The following PAPOLA variants were observed in gnomAD, a reference collection of about 807,000 sequenced individuals.
PAPOLA encodes the protein poly(A) polymerase alpha, also known as polynucleotide adenylyltransferase alpha.
In PAPOLA, 15 loss-of-function variants were observed where a neutral mutation model predicts 100.6. The observed-to-expected ratio is 0.15, with a 90% CI of 0.10 to 0.23. The LOEUF is 0.23. Ranked by LOEUF, PAPOLA falls within the 10% of genes least tolerant of loss-of-function variation. The pLI is 1.00. For missense variants in PAPOLA, 533 were observed against 884.2 expected (o/e 0.60, Z 5.04); for synonymous variants, 293 against 300.0 (o/e 0.98, Z 0.24).
At chr14:96,517,288 G>A (rs1295393894) in intron 1 of PAPOLA, among the ~76,000 whole-genome samples, 1 of 152,156 alleles carries the variant, frequency 6.6e-6, no homozygotes, top group Non-Finnish European at 1.5e-5. Context: ...AACTCATGAA[G>A]CAATGAATAA....
At chr14:96,558,977 T>C (rs1002318332) in intron 19 of PAPOLA, among the ~76,000 whole-genome samples, 3 of 151,914 alleles carry the variant, frequency 2.0e-5, no homozygotes, top group African/African-American at 2.4e-5. Flanking sequence ...CTTTAAAATA[T>C]AGATTCCCTC....
Position 96,562,766 on chromosome 14 carries a change from TTTA to T in PAPOLA, c.2068-50_2068-48del, listed in dbSNP as rs1901962136. The T allele has an allele frequency of 6.3e-6, 7 of 1,107,598 alleles. No individual in the cohort carries two copies. In the Admixed American group the frequency reaches 1.3e-4, roughly 21 times the overall value. 68.6% of individuals were successfully genotyped at this position (1,107,598 alleles called of 1,614,324 possible). On this transcript the variant is annotated intron_variant, in intron 20 of 21. Transcript: ENST00000216277. ...TAGCCACCAAACCCAGTTATGTTCT[TTTA>T]TTCTTTTTTAAGTCTCTTTTCCCCC... is the stretch of plus-strand genomic sequence containing the variant.
chr14:96,542,568 T>G, intron 13 of PAPOLA: 1 of 560,590 alleles, frequency 1.8e-6, no homozygotes, highest in Non-Finnish European at 3.1e-6. Context: ...AATTTTTGTG[T>G]GGATAACTTT....
At chr14:96,503,979 A>G (rs879668777) in intron 1 of PAPOLA, among the ~76,000 whole-genome samples, 4 of 152,202 alleles carry the variant, frequency 2.6e-5, no homozygotes, top group Admixed American at 2.6e-4. Context: ...AACGTTTGTT[A>G]GACTTAACTA....
intron 1 of PAPOLA, among the ~76,000 whole-genome samples, chr14:96,519,506 C>T (rs1897764957): frequency 6.6e-6 from 1 of 152,102 alleles, no homozygotes; most frequent in Non-Finnish European, 1.5e-5. Flanking sequence ...TTTAGACTAG[C>T]ATCATTATCG....
intron 1 of PAPOLA, among the ~76,000 whole-genome samples, chr14:96,506,806 A>G (rs1475503822): frequency 6.6e-6 from 1 of 152,240 alleles, no homozygotes; most frequent in African/African-American, 2.4e-5. Context: ...ATTCAAGGGT[A>G]CATTCAGAGT....
chr14:96,514,725 G>C (rs574742407), intron 1 of PAPOLA, among the ~76,000 whole-genome samples: 11 of 152,270 alleles, frequency 7.2e-5, no homozygotes, highest in African/African-American at 2.4e-4. Flanking sequence ...AAAAACTTTC[G>C]TATTTGGAAA....
Position 96,525,356 on chromosome 14 carries a change from C to T in PAPOLA, c.296C>T (p.Thr99Ile). 6.6e-7 allele frequency: 1 copy of T among 1,517,104 alleles called. No homozygotes were observed. The highest frequency in any genetic ancestry group is 9.1e-7 in the Non-Finnish European group (1 of 1,103,706). 94.0% of individuals were successfully genotyped at this position (1,517,104 alleles called of 1,614,324 possible). Residue 99 changes from threonine to isoleucine, a missense_variant, in exon 4 of 22, where the codon ACA becomes ATA. Physicochemically the swap from Thr to Ile is moderately conservative, Grantham distance 89. Coordinates refer to ENST00000216277, the MANE Select transcript of PAPOLA (RefSeq NM_032632.5). ...VIENVGGKIFTFGSYRLGVHT... is the reference protein window; with the variant it reads ...VIENVGGKIFIFGSYRLGVHT... The stretch of plus-strand genomic sequence containing the variant: ...GAAAATGTTGGAGGAAAAATTTTTA[C>T]ATTTGGATCTTACAGATTAGGAGTG...
chr14:96,563,670 G>A (rs929508041), intron 21 of PAPOLA, among the ~76,000 whole-genome samples: 2 of 152,090 alleles, frequency 1.3e-5, no homozygotes, highest in Non-Finnish European at 2.9e-5. Flanking sequence ...TTATTTTAAC[G>A]TGATCATTTA....
chr14:96,522,346 T>C (rs763071037), intron 3 of PAPOLA, among the ~76,000 whole-genome samples: 2 of 151,950 alleles, frequency 1.3e-5, no homozygotes, highest in Non-Finnish European at 2.9e-5. Flanking sequence ...CTCAAACTTT[T>C]GGTCTCAAGT....
chr14:96,539,804 T>TG (rs375287906), intron 12 of PAPOLA, among the ~76,000 whole-genome samples: 2 of 152,190 alleles, frequency 1.3e-5, no homozygotes, highest in African/African-American at 4.8e-5. Flanking sequence ...GTACCAATCC[T>TG]GGTTTTAAAA....
intron 1 of PAPOLA, among the ~76,000 whole-genome samples, chr14:96,510,002 G>C (rs78505090): frequency 8.5e-6 from 1 of 117,468 alleles, no homozygotes; most frequent in Non-Finnish European, 1.7e-5. Context: ...TGGATTGTAT[G>C]TAGGCCTGCT....
At chr14:96,556,098 T>G in intron 18 of PAPOLA, 77 bp from the exon 19 acceptor site, 1 of 1,310,396 alleles carries the variant, frequency 7.6e-7, no homozygotes, top group Non-Finnish European at 1.1e-6. Context: ...GAAATCAAAT[T>G]CAGAGAAACA....
intron 4 of PAPOLA, chr14:96,526,895 T>C (rs775356475): frequency 3.3e-5 from 5 of 152,448 alleles, no homozygotes; most frequent in Non-Finnish European, 7.3e-5. Context: ...TGATTTTAAT[T>C]CTCCTTTTTA....
rs192749774 is a variant in PAPOLA, at chr14:96,536,657, A to C, written c.1031-319A>C. ...AAACAACAGGGAAACTTGGTTTTAG[A>C]AAGGCAAGAAACAAAGTATATTGGA... On this transcript the variant is annotated intron_variant, in intron 11 of 21. Transcript: ENST00000216277. 2.3e-3 allele frequency among the ~76,000 whole-genome samples: 343 copies of C among 152,168 alleles called. 2 individuals carry two copies. Among genetic ancestry groups the C allele is most frequent in the African/African-American group, 7.9e-3 (327 of 41,560 alleles).
At chr14:96,521,537 C>G (rs377274928) in intron 3 of PAPOLA, among the ~76,000 whole-genome samples, 2 of 151,936 alleles carry the variant, frequency 1.3e-5, no homozygotes, top group Non-Finnish European at 2.9e-5. Flanking sequence ...GTCATTCAGG[C>G]GGAGTGTAGT....
rs143166667 is a variant in PAPOLA at position 96,520,717 on chromosome 14, T to A, written c.183-289T>A. On this transcript the variant is annotated intron_variant, in intron 2 of 21. Coordinates refer to ENST00000216277, the MANE Select transcript of PAPOLA (RefSeq NM_032632.5). ...CCCTTAATTTTGATGTTATTTATTTTTTTTTCTGAAGAATTAATTTTGATT... is the reference window on the plus strand; with the variant it reads ...CCCTTAATTTTGATGTTATTTATTTATTTTTCTGAAGAATTAATTTTGATT... Among the ~76,000 whole-genome samples the A allele has an allele frequency of 3.5e-4, 54 of 152,304 alleles. 1 individual carries two copies. In the East Asian group the frequency reaches 9.4e-3, roughly 27 times the overall value.
chr14:96,555,859 T>C lies in PAPOLA; in HGVS notation c.1677T>C (p.Pro559=), dbSNP rs1350271930. 1 of 1,590,896 alleles carries C rather than the reference T, an allele frequency of 6.3e-7. No individual in the cohort carries two copies. Among genetic ancestry groups the C allele is most frequent in the African/African-American group, 1.3e-5 (1 of 74,482 alleles). ...SSGSSQGRNS[P]APAVTAASVT... ...TTTTTTTTTTTAGCAGAAACAGTCC[T>C]GCTCCAGCTGTAACAGCAGCATCTG... The change falls in exon 18 of 22, where the codon CCT becomes CCC. Residue 559 remains proline, a synonymous_variant. Coordinates refer to ENST00000216277, the MANE Select transcript of PAPOLA (RefSeq NM_032632.5).
At chr14:96,508,261 G>T (rs1055356296) in intron 1 of PAPOLA, among the ~76,000 whole-genome samples, 1 of 152,138 alleles carries the variant, frequency 6.6e-6, no homozygotes, top group African/African-American at 2.4e-5. Flanking sequence ...AAATTTTTTT[G>T]TTGTTGTCAG....
Sources: gnomAD v4.1 joint callset for allele counts (sites outside exome capture counted in the v4.1 genomes callset) on GRCh38, gnomAD v4.1.1 for gene constraint, MANE v1.5 for transcripts, NCBI Gene and HGNC (gene_info 2026-07-23, HGNC 2026-07-21) for gene names.